The following CUX1 variants were observed in gnomAD, a reference collection of about 807,000 sequenced individuals.
CUX1 encodes protein CASP.
In CUX1, 31 loss-of-function variants were observed where a neutral mutation model predicts 158.8. That is an observed-to-expected ratio of 0.20 (90% confidence interval 0.15 to 0.26). The LOEUF is 0.26. Among genes scored for constraint, CUX1 ranks in the 10% least tolerant of loss-of-function variants. CUX1 has a pLI of 1.00. For synonymous variants in CUX1, 879 were observed against 862.1 expected (o/e 1.02, Z -0.34); for missense variants, 1,589 against 2,014.6 (o/e 0.79, Z 4.04).
At chr7:102,227,218 A>T (rs995004351) in intron 20 of CUX1, 149 bp from the exon 21 acceptor site, 3 of 690,034 alleles carry the variant, frequency 4.3e-6, no homozygotes, top group African/African-American at 1.8e-5. Context: ...TCAAAAAAAT[A>T]TGAAACAGTT....
intron 3 of CUX1, among the ~76,000 whole-genome samples, chr7:102,045,313 C>T (rs1822607671): frequency 6.6e-6 from 1 of 152,208 alleles, no homozygotes; most frequent in Admixed American, 6.5e-5. Context: ...TATGTTGAGG[C>T]TAAGTCCATG....
At position 102,251,516 on chromosome 7, in the gene CUX1, C is replaced by T; in HGVS notation, c.*2474C>T. 1 of 985,370 alleles carries T rather than the reference C, an allele frequency of 1.0e-6. No homozygotes were observed. Among genetic ancestry groups the T allele is most frequent in the Non-Finnish European group, 1.2e-6 (1 of 829,922 alleles). The allele number at this position is 985,370 out of a possible 1,614,324, so 61.0% of individuals were successfully genotyped here. A position where few individuals can be genotyped will look rare whatever the true frequency, so the allele number is the denominator to read the frequency against. ...AGGCTCTAGGGGGCTGGGAGGCAGG[C>T]TGTTCGTTTGTCTTTTGTTGGGGGT... On this transcript the variant is annotated 3_prime_UTR_variant, in exon 24 of 24. Coordinates refer to ENST00000292535, the MANE Select transcript of CUX1 (RefSeq NM_181552.4).
At chr7:102,223,744 G>A (rs781802458) in intron 20 of CUX1, among the ~76,000 whole-genome samples, 4 of 152,146 alleles carry the variant, frequency 2.6e-5, no homozygotes, top group African/African-American at 4.8e-5. Flanking sequence ...CAAGGTGGGC[G>A]GGTCATCTAA....
In CUX1 at chr7:102,252,782, A is replaced by AAGAC. The variant is rs1801652770; in HGVS notation, c.*3742_*3745dup. On this transcript the variant is annotated 3_prime_UTR_variant, in exon 24 of 24. Coordinates refer to ENST00000292535, the MANE Select transcript of CUX1 (RefSeq NM_181552.4). ...CTCCTCTTGAACTTCTGTATCAGTG[A>AAGAC]AGACATCTGTGGTTTCTGCTCACCA... The AAGAC allele has an allele frequency of 1.0e-6, 1 of 985,340 alleles. No homozygotes were observed. The allele number at this position is 985,340 out of a possible 1,614,324, so 61.0% of individuals were successfully genotyped here. A position where few individuals can be genotyped will look rare whatever the true frequency, so the allele number is the denominator to read the frequency against.
intron 2 of CUX1, among the ~76,000 whole-genome samples, chr7:101,938,587 T>C (rs1477422640): frequency 1.3e-5 from 2 of 152,118 alleles, no homozygotes; most frequent in Non-Finnish European, 2.9e-5. Context: ...CAACCACATA[T>C]AGTCATGTGC....
chr7:102,164,783 A>G (rs184695044), intron 9 of CUX1, among the ~76,000 whole-genome samples: 4 of 151,658 alleles, frequency 2.6e-5, no homozygotes, highest in African/African-American at 9.6e-5. Context: ...GCCTTAGCCC[A>G]TCATCAGCTC....
intron 1 of CUX1, among the ~76,000 whole-genome samples, chr7:101,862,722 G>A (rs1267212979): frequency 6.6e-6 from 1 of 152,118 alleles, no homozygotes; most frequent in Non-Finnish European, 1.5e-5. Context: ...GGCTCGTTGT[G>A]GAGACCACGG....
At chr7:102,016,034 C>T (rs1211273012) in intron 2 of CUX1, among the ~76,000 whole-genome samples, 1 of 151,666 alleles carries the variant, frequency 6.6e-6, no homozygotes, top group African/African-American at 2.4e-5. Context: ...GGGGTGGTCT[C>T]GACCTCCTAG....
intron 1 of CUX1, among the ~76,000 whole-genome samples, chr7:101,901,632 A>G (rs1392270515): frequency 6.6e-6 from 1 of 152,204 alleles, no homozygotes; most frequent in East Asian, 1.9e-4. Context: ...ATAAGCAGCC[A>G]GTGGCCCACC....
chr7:102,274,866 C>G (rs2132812995), intron 16 of CUX1, among the ~76,000 whole-genome samples: 1 of 152,342 alleles, frequency 6.6e-6, no homozygotes, highest in African/African-American at 2.4e-5. Context: ...CCATGCCTCC[C>G]CAGTTCCCCT....
intron 3 of CUX1, among the ~76,000 whole-genome samples, chr7:102,062,276 C>G (rs1824972116): frequency 6.6e-6 from 1 of 152,134 alleles, no homozygotes; most frequent in South Asian, 2.1e-4. Flanking sequence ...GACGCCTCCT[C>G]CAGGGAGCCT....
chr7:102,099,689 G>A (rs1374789489), intron 5 of CUX1, among the ~76,000 whole-genome samples: 5 of 152,106 alleles, frequency 3.3e-5, no homozygotes, highest in African/African-American at 1.2e-4. Flanking sequence ...AGCCTCCTGA[G>A]TAGCTGGGAC....
chr7:102,035,872 C>A (rs1184888882), intron 3 of CUX1, among the ~76,000 whole-genome samples: 25 of 152,104 alleles, frequency 1.6e-4, no homozygotes, highest in African/African-American at 5.8e-4. Flanking sequence ...AAAATCCCAA[C>A]AAAATTTTTT....
intron 1 of CUX1, among the ~76,000 whole-genome samples, chr7:101,872,493 G>A (rs575991039): frequency 1.1e-3 from 166 of 151,758 alleles, no homozygotes; most frequent in African/African-American, 3.8e-3. Flanking sequence ...GAGGTGGAGA[G>A]GAGAAAATGA....
intron 20 of CUX1, among the ~76,000 whole-genome samples, chr7:102,225,827 A>C (rs1003761289): frequency 2.6e-5 from 4 of 152,214 alleles, no homozygotes; most frequent in East Asian, 1.9e-4. Flanking sequence ...CATCTCCACA[A>C]AAAAAAATTT....
At chr7:102,171,859 C>T (rs1791752620) in intron 10 of CUX1, among the ~76,000 whole-genome samples, 2 of 152,320 alleles carry the variant, frequency 1.3e-5, no homozygotes, top group South Asian at 4.1e-4. Context: ...ATGGAGCCCT[C>T]ATCCTAAGGT....
chr7:102,195,624 G>A lies in CUX1; in HGVS notation c.1222+21G>A, dbSNP rs200600748. ...GAGCGGTAGGTTGGCCGGGCTTCGC[G>A]CGTGTGCGGTGGTTGGTTCGCTTCC... On this transcript the variant is annotated intron_variant, in intron 14 of 23. Coordinates refer to ENST00000292535, the MANE Select transcript of CUX1 (RefSeq NM_181552.4). The A allele has an allele frequency of 1.6e-5, 25 of 1,584,626 alleles. No individual in the cohort carries two copies. The African/African-American group carries it at 3.1e-4, about 19-fold the overall frequency.
intron 4 of CUX1, among the ~76,000 whole-genome samples, chr7:102,087,171 G>C (rs577158986): frequency 6.6e-6 from 1 of 152,020 alleles, no homozygotes; most frequent in East Asian, 1.9e-4. Flanking sequence ...TTTTCTATTT[G>C]TCTTGCCTGT....
chr7:101,819,858 C>T (rs1026066050), intron 1 of CUX1, among the ~76,000 whole-genome samples: 1 of 152,114 alleles, frequency 6.6e-6, no homozygotes, highest in African/African-American at 2.4e-5. Context: ...TCCTCGGCTT[C>T]GTGTATCTTC....
Sources: gnomAD v4.1 joint callset for allele counts (sites outside exome capture counted in the v4.1 genomes callset) on GRCh38, gnomAD v4.1.1 for gene constraint, MANE v1.5 for transcripts, NCBI Gene and HGNC (gene_info 2026-07-23, HGNC 2026-07-21) for gene names.